Variants in TOP1MT observed in about 807,000 individuals in gnomAD.
TOP1MT encodes the protein DNA topoisomerase I, mitochondrial.
TOP1MT carries 80 observed loss-of-function variants against 73.9 expected under a neutral mutation model. That is an observed-to-expected ratio of 1.08 (90% CI 0.90 to 1.30). The LOEUF (loss-of-function observed/expected upper bound fraction) is 1.30, where lower values mean the gene tolerates loss of function less well. TOP1MT is among the 50% of genes most tolerant of loss of function. The pLI is 0.00. For missense variants in TOP1MT, 815 were observed against 808.0 expected, an observed-to-expected ratio of 1.01 and a Z score of -0.10; for synonymous variants, 338 against 326.4, an observed-to-expected ratio of 1.04 and a Z score of -0.38.
At chr8:143,332,536 G>A (rs1816886332) in intron 1 of TOP1MT, 1 of 1,289,356 alleles carries the variant, frequency 7.8e-7, no homozygotes, top group Admixed American at 2.3e-5. Flanking sequence ...TAGTGCTGTT[G>A]GGGGCCTGGT....
intron 12 of TOP1MT, among the ~76,000 whole-genome samples, chr8:143,312,090 A>C (rs1304776471): frequency 6.6e-6 from 1 of 152,220 alleles, no homozygotes; most frequent in African/African-American, 2.4e-5. Flanking sequence ...GCTATTCAGG[A>C]GGCTGAGTTC....
At chr8:143,338,822 A>T (rs1282669061), upstream of TOP1MT, among the ~76,000 whole-genome samples, 1 of 152,152 alleles carries the variant, frequency 6.6e-6, no homozygotes, top group Non-Finnish European at 1.5e-5. Flanking sequence ...GGGCCTGCAG[A>T]CCAGAAGGGG....
At chr8:143,315,601 T>C (rs1816135813) in intron 12 of TOP1MT, 126 bp downstream of exon 12, 3 of 683,884 alleles carry the variant, frequency 4.4e-6, no homozygotes, top group Non-Finnish European at 7.4e-6. Flanking sequence ...TGTGTCTTTA[T>C]TTCTACAATC....
intron 1 of TOP1MT, among the ~76,000 whole-genome samples, chr8:143,352,479 T>C (rs1007959916): frequency 3.3e-5 from 5 of 152,194 alleles, no homozygotes; most frequent in Admixed American, 6.5e-5. Flanking sequence ...TCCACATGCA[T>C]AGAATGAAGT....
At chr8:143,329,268 C>A in intron 3 of TOP1MT, 82 bp downstream of exon 3, 2 of 1,434,836 alleles carry the variant, frequency 1.4e-6, no homozygotes, top group South Asian at 3.0e-5. Context: ...TTGCGAGGGG[C>A]GTTCAGAGGC....
Position 143,322,667 on chromosome 8 carries a change from CCA to C in TOP1MT, c.961-1283_961-1282del, listed in dbSNP as rs1488784681. On this transcript the variant is annotated intron_variant, in intron 7 of 13. Coordinates refer to ENST00000329245, the MANE Select transcript of TOP1MT (RefSeq NM_052963.3). ...GCCACACGCACACCACACACGCACG[CCA>C]CACACGCACGCCACACACGCACGCC... Among the ~76,000 whole-genome samples the C allele has an allele frequency of 7.3e-4, 67 of 92,170 alleles. 1 individual carries two copies. The highest frequency in any genetic ancestry group is 1.1e-3 in the East Asian group (3 of 2,700). The allele number at this position is 92,170 out of a possible 152,430, so 60.5% of individuals were successfully genotyped here. A position where few individuals can be genotyped will look rare whatever the true frequency, so the allele number is the denominator to read the frequency against.
chr8:143,312,051 A>G (rs1254457699), intron 12 of TOP1MT, among the ~76,000 whole-genome samples: 1 of 152,182 alleles, frequency 6.6e-6, no homozygotes, highest in Non-Finnish European at 1.5e-5. Flanking sequence ...GACCCTAGCC[A>G]GGCAGTGCAG....
At chr8:143,318,621 G>A (rs1816242557) in intron 8 of TOP1MT, among the ~76,000 whole-genome samples, 1 of 152,126 alleles carries the variant, frequency 6.6e-6, no homozygotes, top group Non-Finnish European at 1.5e-5. Context: ...CCTACAAGTG[G>A]CAGGCACCCT....
chr8:143,316,214 C>A, intron 10 of TOP1MT, 88 bp from the exon 11 acceptor site: 1 of 1,590,694 alleles, frequency 6.3e-7, no homozygotes, highest in Non-Finnish European at 8.6e-7. Flanking sequence ...CGCCACACAG[C>A]GCAGCCCCTT....
chr8:143,334,554 G>C (rs967357198), intron 1 of TOP1MT, among the ~76,000 whole-genome samples, 186 bp downstream of exon 1: 3 of 152,250 alleles, frequency 2.0e-5, no homozygotes, highest in African/African-American at 7.2e-5. Flanking sequence ...GACGTCATGG[G>C]GGGGCCTGTA....
intron 12 of TOP1MT, among the ~76,000 whole-genome samples, chr8:143,312,588 G>A (rs1197039317): frequency 6.6e-6 from 1 of 152,118 alleles, no homozygotes; most frequent in East Asian, 1.9e-4. Context: ...CAGCTTCTGT[G>A]AAAAACCTAC....
chr8:143,329,566 G>A lies in TOP1MT; in HGVS notation c.239-95C>T, dbSNP rs775260485. Reference sequence around the variant, plus strand: ...ATTGCTTTAAACTACGCTTTCGTGCGTACTATGCCAAGAGCAAGAAGCTAG... The same window carrying A: ...ATTGCTTTAAACTACGCTTTCGTGCATACTATGCCAAGAGCAAGAAGCTAG... On this transcript the variant is annotated intron_variant, in intron 2 of 13. Transcript: ENST00000329245. 3.0e-4 allele frequency: 436 copies of A among 1,434,790 alleles called. 1 individual carries two copies. The highest frequency in any genetic ancestry group is 3.6e-4 in the Non-Finnish European group (384 of 1,064,116). The allele number at this position is 1,434,790 out of a possible 1,614,324, so 88.9% of individuals were successfully genotyped here.
chr8:143,318,193 G>T (rs1296817157), intron 8 of TOP1MT, 107 bp from the exon 9 acceptor site: 1 of 981,074 alleles, frequency 1.0e-6, no homozygotes, highest in African/African-American at 1.6e-5. Context: ...CTTCCCTGAG[G>T]AAGGTGGCCC....
At chr8:143,309,979 G>A (rs759663729) in intron 13 of TOP1MT, 89 bp downstream of exon 13, 8 of 1,597,294 alleles carry the variant, frequency 5.0e-6, no homozygotes, top group Non-Finnish European at 6.8e-6. Context: ...CACGGGACAA[G>A]GGCAATGCTG....
At chr8:143,323,265 TGCACGCCACACACGCACGCCACACAC>T (rs1352596560) in intron 7 of TOP1MT, among the ~76,000 whole-genome samples, 3 of 14,016 alleles carry the variant, frequency 2.1e-4, no homozygotes, top group African/African-American at 5.4e-4. Context: ...GCCACACACA[TGCACGCCACACACGCACGCCACACAC>T]GCACGCCACA....
rs1310928083 is a variant in TOP1MT, at chr8:143,324,049, G to T, written c.910C>A (p.Arg304=). The part of the protein sequence containing the change: ...RSQYRADWKS[R]EMKTRQRAVA... ...GCCCGCTGTCTCGTCTTCATTTCCC[G>T]AGACTTCCAGTCAGCCCGGTACTGG... Residue 304 remains arginine (R), a synonymous_variant, in exon 7 of 14, where the codon CGG becomes AGG. Coordinates refer to ENST00000329245, the MANE Select transcript of TOP1MT (RefSeq NM_052963.3). 6.2e-7 allele frequency: 1 copy of T among 1,613,692 alleles called. No individual in the cohort carries two copies. The highest frequency in any genetic ancestry group is 8.5e-7 in the Non-Finnish European group (1 of 1,180,038).
chr8:143,322,219 CAGGCACGCCACACACAT>C (rs1171150686), intron 7 of TOP1MT, among the ~76,000 whole-genome samples: 2 of 79,862 alleles, frequency 2.5e-5, no homozygotes, highest in African/African-American at 4.4e-5. Flanking sequence ...ACGCCACACA[CAGGCACGCCACACACAT>C]GCATGCCACA....
chr8:143,355,671 T>C (rs1337158997), intron 1 of TOP1MT, among the ~76,000 whole-genome samples: 1 of 152,174 alleles, frequency 6.6e-6, no homozygotes, highest in Non-Finnish European at 1.5e-5. Flanking sequence ...ATGAGGGAGA[T>C]GCCAGACCCC....
At chr8:143,314,433 T>C (rs1403886154) in intron 12 of TOP1MT, among the ~76,000 whole-genome samples, 4 of 151,834 alleles carry the variant, frequency 2.6e-5, no homozygotes, top group South Asian at 4.1e-4. Context: ...CCGTTTCTAC[T>C]AAATAAATAA....
Sources: gnomAD v4.1 joint callset for allele counts (sites outside exome capture counted in the v4.1 genomes callset) on GRCh38, gnomAD v4.1.1 for gene constraint, MANE v1.5 for transcripts, NCBI Gene and HGNC (gene_info 2026-07-23, HGNC 2026-07-21) for gene names.